FRMPD4: variants seen among roughly 807,000 people sequenced by gnomAD.
FRMPD4 encodes the protein FERM and PDZ domain containing 4.
FRMPD4 carries 22 observed loss-of-function variants against 94.1 expected under a neutral mutation model. That is an observed-to-expected ratio of 0.23 (90% CI 0.17 to 0.33). FRMPD4 has a LOEUF of 0.33. FRMPD4 is among the 10% of genes least tolerant of loss of function. The pLI is 1.00. For synonymous variants in FRMPD4, 631 were observed against 548.6 expected, an observed-to-expected ratio of 1.15 and a Z score of -2.10; for missense variants, 1,111 against 1,339.9, an observed-to-expected ratio of 0.83 and a Z score of 2.67.
rs747906847 is a variant in FRMPD4 at position 12,581,232 on chromosome X, C to T, written c.159-28489C>T. Among the ~76,000 whole-genome samples the T allele has an allele frequency of 1.1e-4, 12 of 112,404 alleles. No homozygotes were observed. The Admixed American group carries it at 1.1e-3, about 11-fold the overall frequency. ...CTCTGAAACAGTCTCCACAATATAA[C>T]ATCACAATGTCCAGGATATAATCCA... On this transcript the variant is annotated intron_variant, in intron 2 of 16. Coordinates refer to ENST00000675598, the MANE Select transcript of FRMPD4 (RefSeq NM_001368397.1).
chrX:11,899,705 A>T (rs1249786905), intron 3 of FRMPD4, among the ~76,000 whole-genome samples: 1 of 111,753 alleles, frequency 8.9e-6, no homozygotes, highest in African/African-American at 3.3e-5. Flanking sequence ...TTTCAACTGA[A>T]CAATATTGCT....
intron 1 of FRMPD4, among the ~76,000 whole-genome samples, chrX:12,243,678 G>T (rs775758036): frequency 8.5e-4 from 88 of 103,423 alleles, no homozygotes; most frequent in Non-Finnish European, 1.4e-3. Flanking sequence ...GGAAGTTTTT[G>T]TCTATGACAT....
chrX:12,560,742 CTTTTTTTTTTTTTTTTTT>C lies in FRMPD4; in HGVS notation c.159-48951_159-48934del, dbSNP rs749269384. On this transcript the variant is annotated intron_variant, in intron 2 of 16. Transcript: ENST00000675598. ...CCCTAGTGTATGCACCTCCCCTCATCTTTTTTTTTTTTTTTTTTTTTTTTTTTTTTTTTTTTTTTTTTT... is the reference window on the plus strand; with the variant it reads ...CCCTAGTGTATGCACCTCCCCTCATCTTTTTTTTTTTTTTTTTTTTTTTTT... 3.5e-3 allele frequency among the ~76,000 whole-genome samples: 153 copies of C among 43,423 alleles called. 27 individuals are homozygous for C. The highest frequency in any genetic ancestry group is 0.011 in the African/African-American group (145 of 13,219). 37.7% of individuals were successfully genotyped at this position (43,423 alleles called of 115,157 possible).
At chrX:12,584,012 G>A (rs756928124) in intron 2 of FRMPD4, among the ~76,000 whole-genome samples, 2 of 111,725 alleles carry the variant, frequency 1.8e-5, no homozygotes, top group African/African-American at 3.2e-5. Flanking sequence ...CACTTTGCTG[G>A]CAACCTGGGC....
intron 1 of FRMPD4, among the ~76,000 whole-genome samples, chrX:12,363,546 T>G (rs1475539122): frequency 1.8e-5 from 2 of 111,772 alleles, no homozygotes; most frequent in Admixed American, 1.9e-4. Context: ...GGTACCCAGA[T>G]GAAGAGTGAA....
Position 11,856,495 on chromosome X carries a change from A to C in FRMPD4, c.-160-8591A>C, listed in dbSNP as rs2053654532. On this transcript the variant is annotated intron_variant, in intron 1 of 18. Transcript: ENST00000640291. ...TAGATACAGAAAAGGCTTTTGATAA[A>C]ATTCAACATCCATTAATGTTAAAAA... is the stretch of plus-strand genomic sequence containing the variant. Among the ~76,000 whole-genome samples the C allele has an allele frequency of 2.7e-5, 3 of 110,594 alleles. No individual in the cohort carries two copies. The Admixed American group carries it at 2.8e-4, about 10-fold the overall frequency.
At chrX:12,549,580 T>C (rs1182795299) in intron 2 of FRMPD4, among the ~76,000 whole-genome samples, 1 of 112,413 alleles carries the variant, frequency 8.9e-6, no homozygotes, top group Non-Finnish European at 1.9e-5. Context: ...GATAGGTGTA[T>C]GTTTTCTCTG....
chrX:12,013,197 G>A (rs1376839050), intron 3 of FRMPD4, among the ~76,000 whole-genome samples: 1 of 111,888 alleles, frequency 8.9e-6, no homozygotes, highest in Non-Finnish European at 1.9e-5. Flanking sequence ...CACAAGCTTA[G>A]CATTGTATTA....
chrX:12,368,525 A>T (rs78945398), intron 1 of FRMPD4, among the ~76,000 whole-genome samples: 1 of 102,233 alleles, frequency 9.8e-6, no homozygotes, highest in Non-Finnish European at 2.0e-5. Flanking sequence ...GCTCTGTGCT[A>T]TTTTTTTTTT....
chrX:12,185,483 T>G (rs976111638), intron 1 of FRMPD4, among the ~76,000 whole-genome samples: 4 of 110,928 alleles, frequency 3.6e-5, no homozygotes, highest in Non-Finnish European at 5.7e-5. Flanking sequence ...AAATGAGACC[T>G]AGAAACTTCT....
chrX:12,681,715 A>G (rs866990201), intron 5 of FRMPD4, among the ~76,000 whole-genome samples: 2 of 110,212 alleles, frequency 1.8e-5, no homozygotes, highest in African/African-American at 3.3e-5. Context: ...ACACACACAC[A>G]CACGCACGCA....
chrX:12,533,515 A>G (rs2058306949), intron 2 of FRMPD4, among the ~76,000 whole-genome samples: 1 of 112,059 alleles, frequency 8.9e-6, no homozygotes, highest in South Asian at 3.7e-4. Context: ...AATGTGGGAA[A>G]GCTTGGAACT....
At chrX:12,465,721 A>C (rs1379356409) in intron 1 of FRMPD4, among the ~76,000 whole-genome samples, 1 of 112,049 alleles carries the variant, frequency 8.9e-6, no homozygotes, top group Admixed American at 9.5e-5. Flanking sequence ...GAATGAAGAG[A>C]TATATTAAGC....
intron 4 of FRMPD4, among the ~76,000 whole-genome samples, chrX:12,632,381 A>T (rs1360571988): frequency 9.0e-6 from 1 of 111,598 alleles, no homozygotes; most frequent in Non-Finnish European, 1.9e-5. Context: ...AGGACATTTA[A>T]CTTCTGTGAC....
chrX:12,558,954 G>A (rs1383282986), intron 2 of FRMPD4, among the ~76,000 whole-genome samples: 2 of 111,889 alleles, frequency 1.8e-5, no homozygotes, highest in Non-Finnish European at 3.8e-5. Flanking sequence ...GCATGGTACT[G>A]ATTTATATGT....
chrX:12,713,520 C>T (rs916828078), intron 14 of FRMPD4, among the ~76,000 whole-genome samples: 3 of 109,684 alleles, frequency 2.7e-5, no homozygotes, highest in Non-Finnish European at 3.8e-5. Context: ...GAGAGAGAAG[C>T]GAGGATAACA....
chrX:12,101,695 A>T (rs756355086), intron 3 of FRMPD4, among the ~76,000 whole-genome samples: 1 of 111,656 alleles, frequency 9.0e-6, no homozygotes, highest in South Asian at 3.8e-4. Context: ...AAAATAAAAA[A>T]TTCGGACCGT....
intron 2 of FRMPD4, among the ~76,000 whole-genome samples, chrX:12,552,954 G>C (rs1310506409): frequency 8.9e-6 from 1 of 111,789 alleles, no homozygotes; most frequent in African/African-American, 3.3e-5. Flanking sequence ...CCAGGAGTTT[G>C]AGATCAGCCT....
At chrX:11,853,681 G>T (rs983020907) in intron 1 of FRMPD4, among the ~76,000 whole-genome samples, 1 of 111,567 alleles carries the variant, frequency 9.0e-6, no homozygotes, top group Non-Finnish European at 1.9e-5. Context: ...GAAACAGGAA[G>T]AAATTGAATC....
Sources: allele counts gnomAD v4.1 joint callset (sites outside exome capture counted in the v4.1 genomes callset), GRCh38; gene constraint gnomAD v4.1.1; transcripts MANE v1.5; gene names NCBI Gene and HGNC (gene_info 2026-07-23, HGNC 2026-07-21).